The following STX8 variants were observed in gnomAD, a reference collection of about 807,000 sequenced individuals.
STX8 encodes the protein syntaxin 8, also known as syntaxin-8.
STX8 carries 23 observed loss-of-function variants against 37.5 expected under a neutral mutation model. The ratio of observed to expected loss-of-function variants is 0.61; its 90% CI spans 0.44 to 0.87. The LOEUF (loss-of-function observed/expected upper bound fraction) is 0.87, where lower values mean the gene tolerates loss of function less well. STX8 is among the 40% of genes least tolerant of loss of function. The pLI is 0.00. For missense variants in STX8, 313 were observed against 284.7 expected (o/e 1.10, Z -0.71); for synonymous variants, 115 against 99.1 (o/e 1.16, Z -0.95).
intron 7 of STX8, among the ~76,000 whole-genome samples, chr17:9,355,929 G>T (rs1047144792): frequency 6.6e-6 from 1 of 152,154 alleles, no homozygotes; most frequent in African/African-American, 2.4e-5. Flanking sequence ...TGGGATTACA[G>T]GCAAAAGCCA....
intron 6 of STX8, among the ~76,000 whole-genome samples, chr17:9,484,168 C>T (rs923290573): frequency 6.6e-6 from 1 of 152,044 alleles, no homozygotes; most frequent in Non-Finnish European, 1.5e-5. Flanking sequence ...TAACAAATAT[C>T]ATCAGTCACT....
chr17:9,570,848 G>A (rs1597751392), intron 1 of STX8, among the ~76,000 whole-genome samples: 3 of 151,964 alleles, frequency 2.0e-5, no homozygotes, highest in African/African-American at 7.2e-5. Flanking sequence ...CTCAGATGGA[G>A]AGGGTCCATG....
chr17:9,411,329 G>T (rs1912971415), intron 6 of STX8, among the ~76,000 whole-genome samples: 1 of 152,120 alleles, frequency 6.6e-6, no homozygotes, highest in Non-Finnish European at 1.5e-5. Context: ...TCCCCACTTG[G>T]GAGCTGCTTA....
intron 7 of STX8, among the ~76,000 whole-genome samples, chr17:9,253,268 A>G (rs995596117): frequency 2.7e-5 from 4 of 146,980 alleles, no homozygotes; most frequent in Non-Finnish European, 4.5e-5. Context: ...ATCTGCAGTG[A>G]GAAGGTAGGG....
chr17:9,404,984 T>C (rs6503198), intron 6 of STX8, among the ~76,000 whole-genome samples: 48,586 of 150,934 alleles, frequency 0.32, 8,261 homozygotes, highest in East Asian at 0.65. Flanking sequence ...CATCCCCAAT[T>C]TTTTTTTTTG....
chr17:9,344,286 A>C (rs899213272), intron 7 of STX8, among the ~76,000 whole-genome samples: 7 of 147,766 alleles, frequency 4.7e-5, no homozygotes, highest in African/African-American at 1.5e-4. Flanking sequence ...TTTGAGATAG[A>C]GTCTCGCTCT....
chr17:9,536,662 T>G (rs1906070620), intron 4 of STX8, among the ~76,000 whole-genome samples: 1 of 152,264 alleles, frequency 6.6e-6, no homozygotes, highest in East Asian at 1.9e-4. Context: ...CCATCTGCAC[T>G]AATTCCACTG....
intron 7 of STX8, among the ~76,000 whole-genome samples, chr17:9,286,834 G>T (rs1849292536): frequency 6.6e-6 from 1 of 152,140 alleles, no homozygotes; most frequent in South Asian, 2.1e-4. Flanking sequence ...CGTGGTAGTA[G>T]AAACAGTGGG....
intron 7 of STX8, among the ~76,000 whole-genome samples, chr17:9,296,328 A>AGAGT (rs56220044): frequency 0.52 from 77,028 of 149,028 alleles, 19,907 homozygotes; most frequent in African/African-American, 0.59. Context: ...CCTGGGCGAC[A>AGAGT]GAGACTCTGT....
chr17:9,292,581 G>A (rs1299536186), intron 7 of STX8, among the ~76,000 whole-genome samples: 2 of 152,150 alleles, frequency 1.3e-5, no homozygotes, highest in African/African-American at 2.4e-5. Context: ...GGCTAATCTC[G>A]AGCATGCTTT....
At chr17:9,423,876 C>T (rs1041195546) in intron 6 of STX8, among the ~76,000 whole-genome samples, 9 of 152,228 alleles carry the variant, frequency 5.9e-5, no homozygotes, top group Non-Finnish European at 1.0e-4. Flanking sequence ...CCTAGTTTTC[C>T]GCTGATTATT....
chr17:9,426,358 C>T lies in STX8; in HGVS notation c.542-47705G>A, dbSNP rs148191789. ...CCTGGCCAACATGGCGAAACCCTGT[C>T]TCTACTAAAAATACAAAAATTAGCT... On this transcript the variant is annotated intron_variant, in intron 6 of 7. Coordinates refer to ENST00000306357, the MANE Select transcript of STX8 (RefSeq NM_004853.3). Among the ~76,000 whole-genome samples, 775 of 152,202 alleles carry T rather than the reference C, an allele frequency of 5.1e-3. 9 individuals are homozygous for T. The highest frequency in any genetic ancestry group is 0.017 in the African/African-American group (695 of 41,524).
chr17:9,485,225 A>T (rs1289643000), intron 6 of STX8, among the ~76,000 whole-genome samples: 1 of 152,220 alleles, frequency 6.6e-6, no homozygotes. Flanking sequence ...GTATCAGGCT[A>T]TTGCAGTAAT....
intron 7 of STX8, among the ~76,000 whole-genome samples, chr17:9,282,599 C>T (rs143293298): frequency 6.2e-4 from 94 of 152,322 alleles, no homozygotes; most frequent in Middle Eastern, 3.4e-3. Context: ...ATGAATGAAA[C>T]GTTAGTGTCT....
chr17:9,359,489 C>A (rs1181332442), intron 7 of STX8, among the ~76,000 whole-genome samples: 1 of 148,398 alleles, frequency 6.7e-6, no homozygotes, highest in Non-Finnish European at 1.5e-5. Flanking sequence ...TGGTATTCCA[C>A]AATGCTGAGA....
chr17:9,504,507 A>T (rs1489695666), intron 5 of STX8, among the ~76,000 whole-genome samples: 2 of 152,280 alleles, frequency 1.3e-5, no homozygotes, highest in East Asian at 3.9e-4. Flanking sequence ...TTAGATTCAG[A>T]TCTGCTCTCT....
chr17:9,479,608 T>C (rs1007827209), intron 6 of STX8, among the ~76,000 whole-genome samples: 3 of 148,480 alleles, frequency 2.0e-5, no homozygotes, highest in Non-Finnish European at 4.5e-5. Flanking sequence ...TAAGTATAGA[T>C]GTATTTTATA....
chr17:9,264,501 C>A (rs972815228), intron 7 of STX8, among the ~76,000 whole-genome samples: 3 of 152,080 alleles, frequency 2.0e-5, no homozygotes, highest in Non-Finnish European at 4.4e-5. Flanking sequence ...GATGAGGTCT[C>A]CCTGTGTTCC....
chr17:9,562,711 T>C (rs1907295259), intron 2 of STX8, among the ~76,000 whole-genome samples: 1 of 152,070 alleles, frequency 6.6e-6, no homozygotes, highest in Admixed American at 6.6e-5. Context: ...TGAAACACCA[T>C]TTCTCACTTA....
Sources: allele counts gnomAD v4.1 joint callset (sites outside exome capture counted in the v4.1 genomes callset), GRCh38; gene constraint gnomAD v4.1.1; transcripts MANE v1.5; gene names NCBI Gene and HGNC (gene_info 2026-07-23, HGNC 2026-07-21).